Variants in PRSS3 observed in about 807,000 individuals in gnomAD.
PRSS3 encodes the protein trypsin-3.
PRSS3 carries 14 observed loss-of-function variants against 20.8 expected under a neutral mutation model. That is an observed-to-expected ratio of 0.67 (90% CI 0.44 to 1.05). PRSS3 has a LOEUF of 1.05. Among genes scored for constraint, PRSS3 ranks in the 50% least tolerant of loss-of-function variants. PRSS3 has a pLI of 0.00. For missense variants in PRSS3, 237 were observed against 306.4 expected, an observed-to-expected ratio of 0.77 and a Z score of 1.69; for synonymous variants, 91 against 117.6, an observed-to-expected ratio of 0.77 and a Z score of 1.46.
intron 1 of PRSS3, among the ~76,000 whole-genome samples, chr9:33,784,631 C>G (rs1014225614): frequency 1.3e-5 from 2 of 152,186 alleles, no homozygotes; most frequent in African/African-American, 4.8e-5. Flanking sequence ...TAGTACTAAA[C>G]ACTACCCAGA....
At chr9:33,767,240 AG>A (rs1300252122) in intron 1 of PRSS3, among the ~76,000 whole-genome samples, 1 of 152,118 alleles carries the variant, frequency 6.6e-6, no homozygotes, top group Admixed American at 6.5e-5. Flanking sequence ...GGATCACCTG[AG>A]GTCAGGAGTT....
chr9:33,773,976 A>C (rs1428039837), intron 1 of PRSS3, among the ~76,000 whole-genome samples: 1 of 152,150 alleles, frequency 6.6e-6, no homozygotes, highest in Non-Finnish European at 1.5e-5. Context: ...CCTATTCGTA[A>C]GTTTGTCCTT....
At chr9:33,791,288 C>T (rs1030334482), upstream of PRSS3, among the ~76,000 whole-genome samples, 15 of 152,324 alleles carry the variant, frequency 9.8e-5, no homozygotes, top group Admixed American at 5.2e-4. Context: ...GTGGAAGGTT[C>T]TCAATTGGAA....
chr9:33,770,124 G>A (rs1318896242), intron 1 of PRSS3, among the ~76,000 whole-genome samples: 11 of 142,784 alleles, frequency 7.7e-5, no homozygotes, highest in Admixed American at 1.4e-4. Flanking sequence ...CAGCCTGGGC[G>A]ACAAGGGTGA....
At chr9:33,780,445 C>A (rs1824134110) in intron 1 of PRSS3, among the ~76,000 whole-genome samples, 1 of 152,158 alleles carries the variant, frequency 6.6e-6, no homozygotes, top group Non-Finnish European at 1.5e-5. Context: ...AACCTGCTGC[C>A]ATAAAACACT....
chr9:33,798,409 T>C lies in PRSS3; in HGVS notation c.455-77T>C, dbSNP rs1289267148. On this transcript the variant is annotated intron_variant, in intron 3 of 4. Coordinates refer to ENST00000379405, the MANE Select transcript of PRSS3 (RefSeq NM_002771.4). Reference sequence around the variant, plus strand: ...CAGAGGCAGTGTTCCTCTTCAATGTTCCATCCCAGATTATTGTCTCCTTCT... The same window carrying C: ...CAGAGGCAGTGTTCCTCTTCAATGTCCCATCCCAGATTATTGTCTCCTTCT... 4.4e-6 allele frequency: 7 copies of C among 1,589,152 alleles called. No individual in the cohort carries two copies. The South Asian group carries it at 6.6e-5, about 15-fold the overall frequency.
chr9:33,767,633 G>T (rs535807288), intron 1 of PRSS3, among the ~76,000 whole-genome samples: 2 of 152,282 alleles, frequency 1.3e-5, no homozygotes, highest in South Asian at 4.1e-4. Flanking sequence ...AGACCAGCCT[G>T]GCCAACATGG....
chr9:33,775,057 T>TAAA (rs1268310276), intron 1 of PRSS3, among the ~76,000 whole-genome samples: 3 of 108,362 alleles, frequency 2.8e-5, no homozygotes, highest in Non-Finnish European at 4.1e-5. Context: ...TTTCTTTCTG[T>TAAA]AAAAAAAAAA....
At chr9:33,753,948 C>T (rs1822812975) in intron 1 of PRSS3, among the ~76,000 whole-genome samples, 1 of 152,202 alleles carries the variant, frequency 6.6e-6, no homozygotes, top group South Asian at 2.1e-4. Flanking sequence ...CCCTCCTTAG[C>T]ATGGAGCTCT....
In PRSS3 at chr9:33,750,778, G is replaced by A; in HGVS notation, c.-53+51G>A. On this transcript the variant is annotated intron_variant, in intron 1 of 5. Coordinates refer to the PRSS3 transcript ENST00000342836. This position sits in a 1 kb window ranked among gnomAD's most constrained non-coding sequence, Gnocchi z 4.8. ...CTTGAAACTGGAGGAGGGCTCGAAG[G>A]GAGAGGGAGCCCCGCCAAGGAGCGG... 2 of 1,415,472 alleles carry A rather than the reference G, an allele frequency of 1.4e-6. No homozygotes were observed. The highest frequency in any genetic ancestry group is 1.8e-6 in the Non-Finnish European group (2 of 1,089,830). The allele number at this position is 1,415,472 out of a possible 1,614,324, so 87.7% of individuals were successfully genotyped here.
At chr9:33,752,951 T>C (rs1034305202) in intron 1 of PRSS3, among the ~76,000 whole-genome samples, 3 of 152,214 alleles carry the variant, frequency 2.0e-5, no homozygotes, top group Non-Finnish European at 4.4e-5. Context: ...TGGGGCTTTA[T>C]AGAGCACAAG....
intron 1 of PRSS3, among the ~76,000 whole-genome samples, chr9:33,766,927 A>C (rs1215116464): frequency 6.6e-6 from 1 of 151,816 alleles, no homozygotes; most frequent in East Asian, 1.9e-4. Flanking sequence ...ACACCTTAAA[A>C]GGATAAATTT....
chr9:33,766,496 C>T (rs906938531), intron 1 of PRSS3, among the ~76,000 whole-genome samples: 3 of 152,032 alleles, frequency 2.0e-5, no homozygotes, highest in African/African-American at 4.8e-5. Flanking sequence ...TGGCGTGAAC[C>T]GGGGAGGTGG....
intron 1 of PRSS3, among the ~76,000 whole-genome samples, chr9:33,796,127 C>G (rs796792533): frequency 6.9e-6 from 1 of 144,610 alleles, no homozygotes; most frequent in African/African-American, 2.6e-5. Flanking sequence ...TGGCCAATAA[C>G]AAAGTCTACC....
In PRSS3 at chr9:33,779,604, C is replaced by T. The variant is rs569807805; in HGVS notation, c.-52-15142C>T. ...ACAAAACTGGCTGGGCGCGGTGGCT[C>T]ACGCCTGTAATCCCAGCAGTCTGGG... is the stretch of plus-strand genomic sequence containing the variant. On this transcript the variant is annotated intron_variant, in intron 1 of 5. Transcript: ENST00000342836. Among the ~76,000 whole-genome samples the T allele has an allele frequency of 5.3e-5, 8 of 152,232 alleles. No homozygotes were observed. In the South Asian group the frequency reaches 1.5e-3, roughly 28 times the overall value.
At chr9:33,770,690 G>C (rs913456779) in intron 1 of PRSS3, among the ~76,000 whole-genome samples, 2 of 152,178 alleles carry the variant, frequency 1.3e-5, no homozygotes, top group African/African-American at 4.8e-5. Context: ...ACACACACAA[G>C]AGGATGACTA....
At chr9:33,773,104 T>G (rs548886209) in intron 1 of PRSS3, among the ~76,000 whole-genome samples, 1 of 152,364 alleles carries the variant, frequency 6.6e-6, no homozygotes, top group East Asian at 1.9e-4. Context: ...TCTCTTCTTC[T>G]GTGCCTCTGC....
At chr9:33,753,335 G>T (rs190609949) in intron 1 of PRSS3, among the ~76,000 whole-genome samples, 43 of 152,186 alleles carry the variant, frequency 2.8e-4, no homozygotes, top group Admixed American at 2.8e-3. Flanking sequence ...GTCCAATCTT[G>T]TGGTTTTTCA....
At chr9:33,756,164 G>T (rs1191960936) in intron 1 of PRSS3, among the ~76,000 whole-genome samples, 4 of 152,106 alleles carry the variant, frequency 2.6e-5, no homozygotes, top group Admixed American at 2.6e-4. Context: ...TTGCTGGTTT[G>T]GCTGGGTATG....
Sources: allele counts gnomAD v4.1 joint callset (sites outside exome capture counted in the v4.1 genomes callset), GRCh38; gene constraint gnomAD v4.1.1; non-coding constraint Gnocchi (gnomAD v3.1); transcripts MANE v1.5; gene names NCBI Gene and HGNC (gene_info 2026-07-23, HGNC 2026-07-21).